MAP3K2: variants seen among roughly 807,000 people sequenced by gnomAD.
MAP3K2 encodes MAP/ERK kinase kinase 2.
A neutral mutation model predicts 80.3 loss-of-function variants in MAP3K2; 24 were observed. That is an observed-to-expected ratio of 0.30 (90% CI 0.22 to 0.42). MAP3K2 has a LOEUF of 0.42. MAP3K2 is among the 10% of genes least tolerant of loss of function. The pLI is 1.00. For missense variants in MAP3K2, 608 were observed against 750.1 expected (o/e 0.81, Z 2.21); for synonymous variants, 244 against 253.7 (o/e 0.96, Z 0.36).
At chr2:127,345,539 C>G (rs528017966) in intron 1 of MAP3K2, among the ~76,000 whole-genome samples, 6 of 152,138 alleles carry the variant, frequency 3.9e-5, no homozygotes, top group Non-Finnish European at 5.9e-5. Flanking sequence ...TAACAAACAC[C>G]TACAGAATAA....
chr2:127,312,673 C>A (rs2104808547), intron 15 of MAP3K2, among the ~76,000 whole-genome samples: 3 of 151,982 alleles, frequency 2.0e-5, no homozygotes, highest in African/African-American at 7.2e-5. Context: ...AATAAAAAAA[C>A]AAACAAAGGC....
At chr2:127,311,948 T>G (rs1465691842) in intron 15 of MAP3K2, among the ~76,000 whole-genome samples, 1 of 152,078 alleles carries the variant, frequency 6.6e-6, no homozygotes, top group East Asian at 1.9e-4. Context: ...TTTCTCATGG[T>G]CTAGATTTTG....
At chr2:127,388,264 C>G (rs1361113394), upstream of MAP3K2, 2 of 985,418 alleles carry the variant, frequency 2.0e-6, no homozygotes, top group South Asian at 9.4e-5. Flanking sequence ...TGTCTCGAGC[C>G]TGCGGTAGTG....
intron 13 of MAP3K2, 109 bp from the exon 14 acceptor site, chr2:127,317,869 G>T: frequency 1.0e-6 from 1 of 989,060 alleles, no homozygotes; most frequent in Non-Finnish European, 1.5e-6. Flanking sequence ...TAGTTCCCAA[G>T]TAATAAACAT....
chr2:127,385,065 G>A (rs371206923), intron 1 of MAP3K2, among the ~76,000 whole-genome samples: 2 of 151,668 alleles, frequency 1.3e-5, no homozygotes, highest in South Asian at 2.1e-4. Context: ...TTAGATGATA[G>A]GTGATAAGCA....
At chr2:127,388,192 C>A, upstream of MAP3K2, 1 of 985,040 alleles carries the variant, frequency 1.0e-6, no homozygotes, top group South Asian at 4.7e-5. Context: ...TCGGCCCCGC[C>A]CCCGCCCCTG....
intron 3 of MAP3K2, among the ~76,000 whole-genome samples, chr2:127,338,571 G>A (rs1686418079): frequency 6.6e-6 from 1 of 152,046 alleles, no homozygotes; most frequent in Admixed American, 6.5e-5. Context: ...ACTTATAACT[G>A]AGAACATGTG....
chr2:127,315,843 G>C (rs1292633530), intron 14 of MAP3K2, among the ~76,000 whole-genome samples: 1 of 152,120 alleles, frequency 6.6e-6, no homozygotes, highest in East Asian at 1.9e-4. Flanking sequence ...CCATCACTTT[G>C]GGAGGCTGAG....
rs1685685318 is a variant in MAP3K2, at chr2:127,305,776, T to C, written c.*1803A>G. 1 of 152,158 alleles carries C rather than the reference T, an allele frequency of 6.6e-6. No individual in the cohort carries two copies. The highest frequency in any genetic ancestry group is 1.5e-5 in the Non-Finnish European group (1 of 68,016). The allele number at this position is 152,158 out of a possible 1,614,324, so 9.4% of individuals were successfully genotyped here. A position where few individuals can be genotyped will look rare whatever the true frequency, so the allele number is the denominator to read the frequency against. On this transcript the variant is annotated 3_prime_UTR_variant, in exon 17 of 17. Transcript: ENST00000682094. ...GCCAAATTGCTGATATCTTCATGTTTTATAGTAGCACAATTCTATTAGAGA... is the reference window on the plus strand; with the variant it reads ...GCCAAATTGCTGATATCTTCATGTTCTATAGTAGCACAATTCTATTAGAGA...
At chr2:127,366,629 C>T (rs886428288) in intron 1 of MAP3K2, among the ~76,000 whole-genome samples, 2 of 152,058 alleles carry the variant, frequency 1.3e-5, no homozygotes, top group Middle Eastern at 3.4e-3. Context: ...AATTATTTTT[C>T]GGTTGCTACT....
chr2:127,377,047 C>T (rs921258864), intron 1 of MAP3K2, among the ~76,000 whole-genome samples: 3 of 150,940 alleles, frequency 2.0e-5, no homozygotes, highest in Middle Eastern at 3.2e-3. Flanking sequence ...AATGATAGAG[C>T]GAGATCCTGT....
intron 2 of MAP3K2, among the ~76,000 whole-genome samples, chr2:127,342,783 A>C (rs193141758): frequency 6.6e-6 from 1 of 152,224 alleles, no homozygotes; most frequent in Non-Finnish European, 1.5e-5. Context: ...GAGTTGTATA[A>C]CATATTCTCC....
chr2:127,384,556 G>A (rs1411604972), intron 1 of MAP3K2, among the ~76,000 whole-genome samples: 1 of 152,186 alleles, frequency 6.6e-6, no homozygotes. Context: ...AGACTTCAGT[G>A]GAGGAAGTAA....
chr2:127,358,435 A>G (rs1423758922), intron 1 of MAP3K2, among the ~76,000 whole-genome samples: 1 of 152,088 alleles, frequency 6.6e-6, no homozygotes, highest in Non-Finnish European at 1.5e-5. Flanking sequence ...ATTTACCCAA[A>G]TGAGTCAAAA....
At chr2:127,335,740 G>C in intron 5 of MAP3K2, 130 bp downstream of exon 5, 1 of 508,314 alleles carries the variant, frequency 2.0e-6, no homozygotes, top group Non-Finnish European at 3.5e-6. Context: ...AAATTTACTT[G>C]TTTTATCCTT....
intron 1 of MAP3K2, among the ~76,000 whole-genome samples, chr2:127,355,654 T>A (rs1286967914): frequency 5.9e-5 from 9 of 152,158 alleles, no homozygotes; most frequent in African/African-American, 1.9e-4. Flanking sequence ...TGGTGGTTGC[T>A]GAAGGTTGGG....
rs7559532 is a variant in MAP3K2, at chr2:127,302,502, C to T, written c.*5077G>A. On this transcript the variant is annotated 3_prime_UTR_variant, in exon 17 of 17. Coordinates refer to ENST00000682094, the MANE Select transcript of MAP3K2 (RefSeq NM_001371910.2). ...ACACATACATGCACACATGCACACA[C>T]TTCACAGAAAAGTAACTTTTCTGTG... The T allele has an allele frequency of 6.6e-6, 1 of 151,950 alleles. No homozygotes were observed. Among genetic ancestry groups the T allele is most frequent in the African/African-American group, 2.4e-5 (1 of 41,388 alleles). The allele number at this position is 151,950 out of a possible 1,614,324, so 9.4% of individuals were successfully genotyped here. A position where few individuals can be genotyped will look rare whatever the true frequency, so the allele number is the denominator to read the frequency against.
chr2:127,338,875 A>C (rs1041243183), intron 3 of MAP3K2, 57 bp downstream of exon 3: 6 of 1,149,954 alleles, frequency 5.2e-6, no homozygotes, highest in Non-Finnish European at 5.0e-6. Context: ...AGTCCTCCAT[A>C]AGATTAGGAT....
At chr2:127,346,486 C>G (rs943285963) in intron 1 of MAP3K2, among the ~76,000 whole-genome samples, 1 of 148,228 alleles carries the variant, frequency 6.7e-6, no homozygotes, top group Non-Finnish European at 1.5e-5. Flanking sequence ...ATACCAAAAC[C>G]AGACAAAGCC....
Sources: allele counts gnomAD v4.1 joint callset (sites outside exome capture counted in the v4.1 genomes callset), GRCh38; gene constraint gnomAD v4.1.1; transcripts MANE v1.5; gene names NCBI Gene and HGNC (gene_info 2026-07-23, HGNC 2026-07-21).